SH3BGRL2: variants seen among roughly 807,000 people sequenced by gnomAD.
SH3BGRL2 encodes SH3 domain binding glutamate rich protein like 2.
SH3BGRL2 carries 21 observed loss-of-function variants against 14.8 expected under a neutral mutation model. The observed-to-expected ratio is 1.42, with a 90% CI of 1.01 to 2.05. The LOEUF is 2.05. Ranked by LOEUF, SH3BGRL2 falls within the 30% of genes most tolerant of loss-of-function variation. The pLI is 0.00. For missense variants in SH3BGRL2, 147 were observed against 130.8 expected, an observed-to-expected ratio of 1.12 and a Z score of -0.61; for synonymous variants, 50 against 47.8, an observed-to-expected ratio of 1.05 and a Z score of -0.19.
At chr6:79,587,465 CAGAA>C in the SH3BGRL2 span, among the ~76,000 whole-genome samples, 23 of 152,004 alleles carry the variant, frequency 1.5e-4, no homozygotes, top group Admixed American at 1.5e-3. Flanking sequence ...TCAGTGAAGA[CAGAA>C]AGTATAAAAT....
chr6:79,694,264 G>A (rs9350822), intron 2 of SH3BGRL2, among the ~76,000 whole-genome samples: 13,525 of 152,236 alleles, frequency 0.089, 903 homozygotes, highest in East Asian at 0.3. Flanking sequence ...TATCTTAAAG[G>A]ATGGAACAAA....
the SH3BGRL2 span, among the ~76,000 whole-genome samples, chr6:79,588,005 G>A: frequency 8.0e-5 from 12 of 150,802 alleles, no homozygotes; most frequent in East Asian, 3.9e-4. Context: ...GCGAAACCCC[G>A]TCTACTGGCC....
the SH3BGRL2 span, among the ~76,000 whole-genome samples, chr6:79,562,592 C>A: frequency 6.6e-6 from 1 of 152,030 alleles, no homozygotes; most frequent in African/African-American, 2.4e-5. Flanking sequence ...CCTCCTTTTC[C>A]AATAGAAACA....
At chr6:79,551,283 A>T in the SH3BGRL2 span, among the ~76,000 whole-genome samples, 2 of 152,184 alleles carry the variant, frequency 1.3e-5, no homozygotes, top group Admixed American at 1.3e-4. Context: ...ATTATTTAAT[A>T]TATAAAGAGC....
chr6:79,592,353 G>C, the SH3BGRL2 span, among the ~76,000 whole-genome samples: 1 of 152,140 alleles, frequency 6.6e-6, no homozygotes, highest in South Asian at 2.1e-4. Flanking sequence ...GACAAATAGG[G>C]ATCCTGTATT....
chr6:79,641,122 A>G (rs1165075989), intron 1 of SH3BGRL2, among the ~76,000 whole-genome samples: 1 of 150,216 alleles, frequency 6.7e-6, no homozygotes, highest in African/African-American at 2.5e-5. Context: ...TCCCATGTGT[A>G]TTAAAGCTCA....
the SH3BGRL2 span, among the ~76,000 whole-genome samples, chr6:79,603,317 A>G: frequency 6.6e-6 from 1 of 152,224 alleles, no homozygotes. Flanking sequence ...TATCTGAAGT[A>G]CTGCAATTGC....
the SH3BGRL2 span, chr6:79,561,255 TTAAA>T: frequency 2.0e-5 from 3 of 151,664 alleles, no homozygotes; most frequent in Admixed American, 6.6e-5. Context: ...TAAAATTAAT[TTAAA>T]TAATAATTTT....
chr6:79,540,252 G>A, the SH3BGRL2 span, among the ~76,000 whole-genome samples: 1 of 151,984 alleles, frequency 6.6e-6, no homozygotes, highest in Non-Finnish European at 1.5e-5. Flanking sequence ...GGCTAACACA[G>A]TAAAACCCTG....
At chr6:79,606,140 A>G in the SH3BGRL2 span, among the ~76,000 whole-genome samples, 9 of 152,104 alleles carry the variant, frequency 5.9e-5, no homozygotes. Flanking sequence ...CTGACTAAGG[A>G]AGCACTCCCA....
chr6:79,545,450 A>G, the SH3BGRL2 span, among the ~76,000 whole-genome samples: 6 of 152,218 alleles, frequency 3.9e-5, no homozygotes, highest in Non-Finnish European at 7.3e-5. Context: ...GAATTAACAT[A>G]TTTATGTTTT....
the SH3BGRL2 span, among the ~76,000 whole-genome samples, chr6:79,619,072 C>T: frequency 6.6e-6 from 1 of 151,846 alleles, no homozygotes. Flanking sequence ...ACAGGTAAAA[C>T]ATGTTTGAGC....
At chr6:79,641,338 T>C (rs574313990) in intron 1 of SH3BGRL2, among the ~76,000 whole-genome samples, 1 of 152,320 alleles carries the variant, frequency 6.6e-6, no homozygotes, top group Admixed American at 6.5e-5. Context: ...GATTTCACTG[T>C]TCTTTTATGA....
At chr6:79,576,793 A>C in the SH3BGRL2 span, among the ~76,000 whole-genome samples, 1 of 152,196 alleles carries the variant, frequency 6.6e-6, no homozygotes, top group Non-Finnish European at 1.5e-5. Context: ...CTTCTAAGGC[A>C]TTCCCCACCC....
At chr6:79,547,387 C>T in the SH3BGRL2 span, among the ~76,000 whole-genome samples, 34 of 152,228 alleles carry the variant, frequency 2.2e-4, no homozygotes, top group African/African-American at 7.7e-4. Flanking sequence ...CTCACAGTGA[C>T]AGAGGGGTGC....
the SH3BGRL2 span, among the ~76,000 whole-genome samples, chr6:79,559,398 C>G: frequency 6.6e-6 from 1 of 152,082 alleles, no homozygotes. Context: ...CTCAACACCA[C>G]TCATGCAACA....
chr6:79,673,004 A>G (rs1292563098), intron 1 of SH3BGRL2, among the ~76,000 whole-genome samples: 4 of 152,136 alleles, frequency 2.6e-5, no homozygotes, highest in Non-Finnish European at 1.5e-5. Context: ...ATTTCTGAAG[A>G]AGGCTGCTGA....
chr6:79,561,955 G>A, the SH3BGRL2 span, among the ~76,000 whole-genome samples: 28 of 152,290 alleles, frequency 1.8e-4, no homozygotes, highest in Admixed American at 5.2e-4. Flanking sequence ...AAGGTATGGG[G>A]AAGGAGAAAC....
chr6:79,622,474 A>G, the SH3BGRL2 span, among the ~76,000 whole-genome samples: 2 of 152,210 alleles, frequency 1.3e-5, no homozygotes, highest in South Asian at 2.1e-4. Flanking sequence ...TCACACCTCA[A>G]AGATTCCTTT....
Sources: allele counts gnomAD v4.1 joint callset (sites outside exome capture counted in the v4.1 genomes callset), GRCh38; gene constraint gnomAD v4.1.1; transcripts MANE v1.5; gene names NCBI Gene and HGNC (gene_info 2026-07-23, HGNC 2026-07-21).